The following NRBP1 variants were observed in gnomAD, a reference collection of about 807,000 sequenced individuals.
NRBP1 encodes the protein nuclear receptor binding protein 1.
In NRBP1, 10 loss-of-function variants were observed where a neutral mutation model predicts 76.0. The ratio of observed to expected loss-of-function variants is 0.13; its 90% CI spans 0.08 to 0.22. The LOEUF is 0.22. NRBP1 is among the 10% of genes least tolerant of loss of function. The probability of loss-of-function intolerance (pLI) is 1.00; values close to 1 mark genes in which losing one functional copy is unlikely to be tolerated. For synonymous variants in NRBP1, 235 were observed against 240.2 expected (o/e 0.98, Z 0.20); for missense variants, 344 against 646.0 (o/e 0.53, Z 5.07).
intron 1 of NRBP1, among the ~76,000 whole-genome samples, chr2:27,431,022 T>TGGCC (rs1664091571): frequency 1.3e-5 from 2 of 152,218 alleles, no homozygotes; most frequent in Non-Finnish European, 2.9e-5. Context: ...TAACCTAGGC[T>TGGCC]GGGTGTGGTG....
rs570681241 is a variant in NRBP1, at chr2:27,441,689, C to T, written c.1504-19C>T. ...TTCTCTTCTCTCAGCCCCCATCTTA[C>T]TGAGCTCTTCTCCCCCAGGCTGACC... On this transcript the variant is annotated intron_variant, in intron 17 of 17. Transcript: ENST00000379852. 5.6e-6 allele frequency: 9 copies of T among 1,611,596 alleles called. No individual in the cohort carries two copies. In the East Asian group the frequency reaches 6.7e-5, roughly 12 times the overall value.
chr2:27,438,925 C>T (rs1356723004), intron 10 of NRBP1, among the ~76,000 whole-genome samples: 4 of 152,092 alleles, frequency 2.6e-5, no homozygotes, highest in Non-Finnish European at 5.9e-5. Context: ...TGCCACTGTA[C>T]TCCAGCCTGG....
rs70953859 is a variant in NRBP1, at chr2:27,439,995, C to CTTTTTTTTTTTTTTTTTTTTTTTTTTTTT, written c.1036+105_1036+133dup. The stretch of plus-strand genomic sequence containing the variant: ...TTTCCTCTTTATTTCCAAAGGGATT[C>CTTTTTTTTTTTTTTTTTTTTTTTTTTTTT]TTTTTTTTTTTTTTTTTTTTTTTTT... On this transcript the variant is annotated intron_variant, in intron 11 of 17. Coordinates refer to ENST00000379852, the MANE Select transcript of NRBP1 (RefSeq NM_013392.4). The CTTTTTTTTTTTTTTTTTTTTTTTTTTTTT allele has an allele frequency of 4.6e-6, 2 of 433,112 alleles. 1 individual carries two copies. The highest frequency in any genetic ancestry group is 6.9e-6 in the Non-Finnish European group (2 of 289,488). 26.8% of individuals were successfully genotyped at this position (433,112 alleles called of 1,614,324 possible). A position where few individuals can be genotyped will look rare whatever the true frequency, so the allele number is the denominator to read the frequency against.
chr2:27,429,529 C>CGAG (rs35886281), intron 1 of NRBP1, among the ~76,000 whole-genome samples: 69,967 of 151,746 alleles, frequency 0.46, 17,615 homozygotes, highest in African/African-American at 0.66. Context: ...CTGGAGGCGG[C>CGAG]GAGAATCCCC....
chr2:27,437,133 A>G, intron 9 of NRBP1, 28 bp downstream of exon 9: 1 of 1,607,028 alleles, frequency 6.2e-7, no homozygotes. Flanking sequence ...GAGGGGGGAA[A>G]GGGGTCAGAT....
intron 11 of NRBP1, 88 bp from the exon 12 acceptor site, chr2:27,440,315 G>C (rs1039885724): frequency 1.1e-6 from 1 of 926,188 alleles, no homozygotes; most frequent in African/African-American, 1.6e-5. Flanking sequence ...GGCCTCCAAA[G>C]GGATTCTTTA....
intron 7 of NRBP1, chr2:27,436,089 C>T (rs1231956164): frequency 7.0e-6 from 3 of 430,002 alleles, no homozygotes; most frequent in Non-Finnish European, 1.3e-5. Flanking sequence ...CCTGGTTCCT[C>T]GTTCAGCTCT....
Position 27,439,869 on chromosome 2 carries a change from T to A in NRBP1, c.1007T>A (p.Leu336His). The change falls in exon 11 of 18, where the codon CTT becomes CAT. Residue 336 changes from leucine to histidine, a missense_variant. By Grantham distance (99) the Leu-to-His change is moderately conservative. Around this residue, in one of 3 missense-constraint regions of NRBP1, gnomAD observed 218 missense variants for 309.8 expected, o/e 0.70. Coordinates refer to ENST00000379852, the MANE Select transcript of NRBP1 (RefSeq NM_013392.4). ...ALFEVPSLKL[L>H]AAHCIVGHQH... Reference sequence around the variant, plus strand: ...TTTGAAGTGCCCTCGCTCAAACTCCTTGCGGCCCACTGCATTGTGGGACAC... The same window carrying A: ...TTTGAAGTGCCCTCGCTCAAACTCCATGCGGCCCACTGCATTGTGGGACAC... The A allele has an allele frequency of 1.8e-5, 29 of 1,614,194 alleles. No homozygotes were observed. Among genetic ancestry groups the A allele is most frequent in the Non-Finnish European group, 2.5e-5 (29 of 1,180,028 alleles).
rs561774127 is a variant in NRBP1 at position 27,436,787 on chromosome 2, T to C, written c.696T>C (p.Thr232=). The part of the protein sequence containing the change: ...APDTINNHVK[T]CREEQKNLHF... ...ACACTATCAACAATCATGTGAAGACTTGTCGAGAAGAGCAGAAGAATCTAC... is the reference window on the plus strand; with the variant it reads ...ACACTATCAACAATCATGTGAAGACCTGTCGAGAAGAGCAGAAGAATCTAC... The change falls in exon 8 of 18, where the codon ACT becomes ACC. Residue 232 remains threonine (T), a synonymous_variant. Transcript: ENST00000379852. 1.2e-6 allele frequency: 2 copies of C among 1,613,220 alleles called. No individual in the cohort carries two copies. Among genetic ancestry groups the C allele is most frequent in the East Asian group, 2.2e-5 (1 of 44,826 alleles).
intron 1 of NRBP1, among the ~76,000 whole-genome samples, chr2:27,429,809 G>A (rs1318778168): frequency 1.3e-5 from 2 of 152,206 alleles, no homozygotes; most frequent in Admixed American, 1.3e-4. Context: ...CTGTGGATTA[G>A]TTATTTGTGT....
chr2:27,435,603 C>T (rs1352921207), intron 7 of NRBP1: 1 of 709,810 alleles, frequency 1.4e-6, no homozygotes, highest in Non-Finnish European at 2.6e-6. Flanking sequence ...TACAACATTT[C>T]TGTGTGCTGT....
chr2:27,439,826 C>T lies in NRBP1; in HGVS notation c.964C>T (p.Leu322=), dbSNP rs71441077. The part of the protein sequence containing the change: ...PARRPTAREL[L]FHPALFEVPS... ...TCGCAGACCAACAGCCAGAGAACTT[C>T]TGTTCCACCCAGCATTGTTTGAAGT... The change falls in exon 11 of 18, where the codon CTG becomes TTG. Residue 322 remains leucine, a synonymous_variant. Transcript: ENST00000379852. The T allele has an allele frequency of 3.0e-5, 48 of 1,614,002 alleles. No homozygotes were observed. Among genetic ancestry groups the T allele is most frequent in the Non-Finnish European group, 4.1e-5 (48 of 1,180,012 alleles).
chr2:27,435,679 C>T (rs1384837482), intron 7 of NRBP1: 2 of 717,626 alleles, frequency 2.8e-6, no homozygotes, highest in African/African-American at 1.7e-5. Flanking sequence ...CAACTTTTCT[C>T]TGTTTTCCTC....
At chr2:27,433,844 G>A (rs1664201400) in intron 3 of NRBP1, 49 bp downstream of exon 3, 1 of 1,613,230 alleles carries the variant, frequency 6.2e-7, no homozygotes, top group South Asian at 1.1e-5. Flanking sequence ...GAACACTGAT[G>A]TTAGAGAGGA....
intron 7 of NRBP1, 95 bp from the exon 8 acceptor site, chr2:27,436,658 C>T: frequency 1.0e-6 from 1 of 991,818 alleles, no homozygotes; most frequent in Non-Finnish European, 1.6e-6. Flanking sequence ...AGAAAGGAGA[C>T]TTCAGGAGAG....
At chr2:27,440,589 A>G in intron 12 of NRBP1, 63 bp from the exon 13 acceptor site, 11 of 1,607,682 alleles carry the variant, frequency 6.8e-6, no homozygotes, top group Non-Finnish European at 9.4e-6. Context: ...TTCTCTGGGA[A>G]TGCTTGAATT....
chr2:27,437,503 A>C, intron 10 of NRBP1, 143 bp downstream of exon 10: 1 of 655,030 alleles, frequency 1.5e-6, no homozygotes, highest in Non-Finnish European at 2.7e-6. Context: ...ACATTTTCTT[A>C]GGAGGTGCCT....
intron 10 of NRBP1, 142 bp from the exon 11 acceptor site, chr2:27,439,624 A>T (rs1664448876): frequency 6.0e-6 from 5 of 826,714 alleles, no homozygotes; most frequent in Non-Finnish European, 9.1e-6. Context: ...TTTCAGGTGC[A>T]TTTTTCAATA....
In NRBP1 at chr2:27,441,695, T is replaced by C. The variant is rs1424743599; in HGVS notation, c.1504-13T>C. 2 of 1,612,660 alleles carry C rather than the reference T, an allele frequency of 1.2e-6. No homozygotes were observed. Among genetic ancestry groups the C allele is most frequent in the African/African-American group, 2.7e-5 (2 of 74,976 alleles). On this transcript the variant is annotated splice_polypyrimidine_tract_variant and intron_variant, in intron 17 of 17. Transcript: ENST00000379852. ...TCTCTCAGCCCCCATCTTACTGAGC[T>C]CTTCTCCCCCAGGCTGACCAGAGCC...
Sources: allele counts gnomAD v4.1 joint callset (sites outside exome capture counted in the v4.1 genomes callset), GRCh38; gene constraint gnomAD v4.1.1; regional missense constraint gnomAD v4.1.1; transcripts MANE v1.5; gene names NCBI Gene and HGNC (gene_info 2026-07-23, HGNC 2026-07-21).